The following PKD2 variants were observed in gnomAD, a reference collection of about 807,000 sequenced individuals.
The protein encoded by PKD2 is polycystin-2.
Under a neutral mutation model 105.9 loss-of-function variants are expected in PKD2, and 48 were observed. The ratio of observed to expected loss-of-function variants is 0.45; its 90% CI spans 0.36 to 0.58. The LOEUF (loss-of-function observed/expected upper bound fraction) is 0.58. Ranked by LOEUF, PKD2 falls within the 20% of genes least tolerant of loss-of-function variation. PKD2 has a pLI of 0.00. For synonymous variants in PKD2, 464 were observed against 481.1 expected (o/e 0.96, Z 0.46); for missense variants, 1,078 against 1,255.3 (o/e 0.86, Z 2.13).
At chr4:88,056,421 T>C (rs1720331541) in intron 8 of PKD2, among the ~76,000 whole-genome samples, 154 bp downstream of exon 8, 1 of 152,216 alleles carries the variant, frequency 6.6e-6, no homozygotes, top group Non-Finnish European at 1.5e-5. Flanking sequence ...AACATTGATC[T>C]ACCCATGCAA....
At position 88,065,643 on chromosome 4, in the gene PKD2, G is replaced by A. The variant is rs1371702212; in HGVS notation, c.2241-119G>A. The A allele has an allele frequency of 4.3e-6, 5 of 1,161,704 alleles. No individual in the cohort carries two copies. The Admixed American group carries it at 8.5e-5, about 20-fold the overall frequency. 72.0% of individuals were successfully genotyped at this position (1,161,704 alleles called of 1,614,324 possible). A position where few individuals can be genotyped will look rare whatever the true frequency, so the allele number is the denominator to read the frequency against. ...GGTATCTTTCTGGAACATGTTATAA[G>A]AGGAAAACTTGCCCCCATTTGGTGA... On this transcript the variant is annotated intron_variant, in intron 11 of 14. Coordinates refer to ENST00000237596, the MANE Select transcript of PKD2 (RefSeq NM_000297.4).
At chr4:88,014,461 G>T (rs1726493174) in intron 1 of PKD2, among the ~76,000 whole-genome samples, 1 of 147,142 alleles carries the variant, frequency 6.8e-6, no homozygotes, top group African/African-American at 2.5e-5. Context: ...AGATCAGCCT[G>T]GGCAACATAG....
intron 2 of PKD2, among the ~76,000 whole-genome samples, chr4:88,033,508 T>C (rs2110102129): frequency 6.6e-6 from 1 of 152,162 alleles, no homozygotes; most frequent in East Asian, 1.9e-4. Context: ...CAGATGGTGC[T>C]ACATAACCAA....
At chr4:88,013,693 G>A (rs1016540035) in intron 1 of PKD2, among the ~76,000 whole-genome samples, 1 of 150,228 alleles carries the variant, frequency 6.7e-6, no homozygotes, top group Non-Finnish European at 1.5e-5. Context: ...CACAGTGAGA[G>A]GTGAGAGCCT....
intron 12 of PKD2, among the ~76,000 whole-genome samples, chr4:88,067,151 C>T (rs1235399199): frequency 1.4e-4 from 22 of 152,168 alleles, no homozygotes; most frequent in Non-Finnish European, 4.4e-5. Context: ...ACTTCTTGAG[C>T]ACAAACATGA....
At position 88,058,081 on chromosome 4, in the gene PKD2, T is replaced by C; in HGVS notation, c.1997T>C (p.Phe666Ser). The change falls in exon 9 of 15, where the codon TTC (phenylalanine) becomes TCC (serine). Residue 666 changes from phenylalanine to serine, a missense_variant. Phe to Ser is a radical substitution (Grantham distance 155). This residue lies in a region of PKD2 where 868 missense variants were observed against 1,067.3 expected (regional missense o/e 0.81). Coordinates refer to ENST00000237596, the MANE Select transcript of PKD2 (RefSeq NM_000297.4). ...LGPIYFTTFV[F>S]FMFFILLNMF... is the part of the protein sequence containing the mutation. Reference sequence around the variant, plus strand: ...CCAATTTATTTCACTACATTTGTGTTCTTTATGTTCTTCATTCTTTTGGTA... The same window carrying C: ...CCAATTTATTTCACTACATTTGTGTCCTTTATGTTCTTCATTCTTTTGGTA... The C allele has an allele frequency of 6.5e-7, 1 of 1,539,502 alleles. No individual in the cohort carries two copies. The highest frequency in any genetic ancestry group is 2.3e-5 in the East Asian group (1 of 44,414).
intron 9 of PKD2, among the ~76,000 whole-genome samples, chr4:88,060,153 G>T (rs530309091): frequency 1.3e-5 from 2 of 152,228 alleles, no homozygotes; most frequent in East Asian, 3.9e-4. Context: ...TTCAATTAAG[G>T]TATTGGCAGG....
At chr4:88,070,322 T>A (rs1720962972) in intron 13 of PKD2, among the ~76,000 whole-genome samples, 1 of 152,008 alleles carries the variant, frequency 6.6e-6, no homozygotes, top group African/African-American at 2.4e-5. Context: ...ATCTCTGAGT[T>A]CATCCTACTT....
Position 88,008,172 on chromosome 4 carries a change from G to A in PKD2, c.439G>A (p.Ala147Thr). Residue 147 changes from alanine (A) to threonine (T), a missense_variant, in exon 1 of 15, where the codon GCG (alanine) becomes ACG (threonine). Ala to Thr is a moderately conservative substitution (Grantham distance 58, BLOSUM62 0). Coordinates refer to ENST00000237596, the MANE Select transcript of PKD2 (RefSeq NM_000297.4). ...CCGGGGGCTTGGGGGCTACCACGGC[G>A]CGGGCCACCCGAGCGGGAGGCGGCG... ...RSRGLGGYHG[A>T]GHPSGRRRRR... is the part of the protein sequence containing the mutation. The A allele has an allele frequency of 4.3e-6, 6 of 1,409,546 alleles. No homozygotes were observed. The highest frequency in any genetic ancestry group is 5.5e-6 in the Non-Finnish European group (6 of 1,086,302). The allele number at this position is 1,409,546 out of a possible 1,614,324, so 87.3% of individuals were successfully genotyped here.
At position 88,047,175 on chromosome 4, in the gene PKD2, G is replaced by GTT. The variant is rs35144940; in HGVS notation, c.1548+313_1548+314dup. The stretch of plus-strand genomic sequence containing the variant: ...GAGGAGAAAACAGTTTTTTTTCTTT[G>GTT]TTTTTTTTTCCACTAATGATATTTT... On this transcript the variant is annotated intron_variant, in intron 6 of 14. Transcript: ENST00000237596. 9.1e-4 allele frequency among the ~76,000 whole-genome samples: 137 copies of GTT among 150,538 alleles called. 1 individual carries two copies. Among genetic ancestry groups the GTT allele is most frequent in the African/African-American group, 2.9e-3 (119 of 40,966 alleles).
chr4:88,066,119 A>G (rs1222956547), intron 12 of PKD2, among the ~76,000 whole-genome samples: 1 of 152,196 alleles, frequency 6.6e-6, no homozygotes, highest in Non-Finnish European at 1.5e-5. Context: ...AGCAAGCAAA[A>G]CAAAAGTAAA....
chr4:88,075,117 T>G (rs1721185923), intron 14 of PKD2, among the ~76,000 whole-genome samples, 158 bp downstream of exon 14: 1 of 152,208 alleles, frequency 6.6e-6, no homozygotes, highest in Non-Finnish European at 1.5e-5. Context: ...CATTTTCAGA[T>G]TTTTTTCTCT....
chr4:88,028,295 G>A (rs1435446914), intron 2 of PKD2, among the ~76,000 whole-genome samples: 2 of 152,246 alleles, frequency 1.3e-5, no homozygotes, highest in African/African-American at 4.8e-5. Context: ...AGATCGAGTT[G>A]ATAACAAGAT....
At chr4:88,016,898 C>G (rs1312791984) in intron 1 of PKD2, among the ~76,000 whole-genome samples, 1 of 150,736 alleles carries the variant, frequency 6.6e-6, no homozygotes, top group Non-Finnish European at 1.5e-5. Context: ...CCCGGGTGGT[C>G]AAGGCTGCAG....
At chr4:88,021,515 G>T (rs1025038630) in intron 2 of PKD2, among the ~76,000 whole-genome samples, 1 of 151,530 alleles carries the variant, frequency 6.6e-6, no homozygotes, top group Admixed American at 6.6e-5. Flanking sequence ...TTGGAATATT[G>T]TAGAATCTCT....
chr4:88,074,982 C>T, intron 14 of PKD2, 23 bp downstream of exon 14: 2 of 1,612,682 alleles, frequency 1.2e-6, no homozygotes, highest in Non-Finnish European at 1.7e-6. Context: ...GAGCTGAAAA[C>T]ACCGCTGCTG....
chr4:88,072,192 C>T (rs990100702), intron 13 of PKD2, among the ~76,000 whole-genome samples: 3 of 151,656 alleles, frequency 2.0e-5, no homozygotes, highest in Non-Finnish European at 2.9e-5. Flanking sequence ...CATGTTGCCC[C>T]GGCTGGTCTC....
rs566487203 is a variant in PKD2 at position 88,029,525 on chromosome 4, C to T, written c.710-6695C>T. Among the ~76,000 whole-genome samples the T allele has an allele frequency of 2.6e-5, 4 of 152,238 alleles. No individual in the cohort carries two copies. The South Asian group carries it at 8.3e-4, about 32-fold the overall frequency. ...TTCACCTGAACACTTGGGTGTCATC[C>T]TAGATGCTTTCCCTTCCCAGTCTTC... On this transcript the variant is annotated intron_variant, in intron 2 of 14. Coordinates refer to ENST00000237596, the MANE Select transcript of PKD2 (RefSeq NM_000297.4).
At position 88,026,318 on chromosome 4, in the gene PKD2, C is replaced by T. The variant is rs181000508; in HGVS notation, c.709+6747C>T. Among the ~76,000 whole-genome samples the T allele has an allele frequency of 3.9e-5, 6 of 152,242 alleles. No individual in the cohort carries two copies. The East Asian group carries it at 7.7e-4, about 20-fold the overall frequency. ...TAAACGTCACTCTTACATGTTTTAG[C>T]GAAGAGACTGGCAGCATTTTTCCCC... On this transcript the variant is annotated intron_variant, in intron 2 of 14. Transcript: ENST00000237596.
Sources: allele counts gnomAD v4.1 joint callset (sites outside exome capture counted in the v4.1 genomes callset), GRCh38; gene constraint gnomAD v4.1.1; regional missense constraint gnomAD v4.1.1; transcripts MANE v1.5; gene names NCBI Gene and HGNC (gene_info 2026-07-23, HGNC 2026-07-21).